The following ISY1 variants were observed in gnomAD, a reference collection of about 807,000 sequenced individuals.
ISY1 encodes pre-mRNA-splicing factor ISY1 homolog.
In ISY1, 12 loss-of-function variants were observed where a neutral mutation model predicts 54.4. The ratio of observed to expected loss-of-function variants is 0.22; its 90% CI spans 0.14 to 0.36. ISY1 has a LOEUF of 0.36. ISY1 is among the 10% of genes least tolerant of loss of function. The probability of loss-of-function intolerance (pLI) is 1.00; values close to 1 mark genes in which losing one functional copy is unlikely to be tolerated. For missense variants in ISY1, 282 were observed against 342.2 expected, an observed-to-expected ratio of 0.82 and a Z score of 1.39; for synonymous variants, 96 against 117.9, an observed-to-expected ratio of 0.81 and a Z score of 1.20.
At chr3:129,144,167 G>T in intron 6 of ISY1, 1 of 440,926 alleles carries the variant, frequency 2.3e-6, no homozygotes, top group South Asian at 1.6e-5. Flanking sequence ...ATCAGGCAAG[G>T]GCTCACTCTG....
intron 7 of ISY1, among the ~76,000 whole-genome samples, chr3:129,137,772 C>T (rs993003350): frequency 4.0e-5 from 6 of 150,088 alleles, no homozygotes; most frequent in African/African-American, 1.5e-4. Flanking sequence ...CTTTGCCGGG[C>T]GTGGTGGCGG....
chr3:129,137,914 CAAAA>C (rs1175621872), intron 7 of ISY1, among the ~76,000 whole-genome samples: 3 of 38,138 alleles, frequency 7.9e-5, no homozygotes, highest in Non-Finnish European at 1.6e-4. Context: ...GACTCCATGT[CAAAA>C]AAAAAAAAAA....
intron 9 of ISY1, among the ~76,000 whole-genome samples, chr3:129,132,280 G>A (rs988541463): frequency 2.0e-5 from 3 of 152,148 alleles, no homozygotes; most frequent in African/African-American, 7.2e-5. Context: ...GGGGGGAACT[G>A]GGTGAAGCAT....
At chr3:129,130,715 C>A in intron 9 of ISY1, 79 bp from the exon 10 acceptor site, 1 of 1,456,730 alleles carries the variant, frequency 6.9e-7, no homozygotes, top group South Asian at 1.3e-5. Context: ...ACACACTACT[C>A]TGCAACTATT....
At chr3:129,147,391 T>C (rs563827610) in intron 5 of ISY1, among the ~76,000 whole-genome samples, 26 of 151,442 alleles carry the variant, frequency 1.7e-4, no homozygotes, top group Non-Finnish European at 3.2e-4. Context: ...AATAAAAAAA[T>C]AAAAAAAATA....
Position 129,145,793 on chromosome 3 carries a change from G to T in ISY1, c.268C>A (p.Arg90=). ...TCAGGACCTCCCAGCTCCTTTATCC[G>T]GACCTCCCAGTGTCCTTTCTCCCTT... ...LLREKGHWEV[R]IKELGGPDYG... is the part of the protein sequence containing the mutation. The change falls in exon 6 of 11, where the codon CGG becomes AGG. Residue 90 remains arginine (R), a synonymous_variant. Transcript: ENST00000393295. 1 of 1,614,102 alleles carries T rather than the reference G, an allele frequency of 6.2e-7. No homozygotes were observed.
chr3:129,130,096 C>A lies in ISY1; in HGVS notation c.843G>T (p.Arg281Ser), dbSNP rs1936195413. The part of the protein sequence containing the change: ...TLQAQSEEAR[R>S]LLGY ...CAGCTGGGTCCTAATACCCCAGGAG[C>A]CTTCTGGCTTCTTCACTTTGGGCCT... The change falls in exon 11 of 11, where the codon AGG becomes AGT. Residue 281 changes from arginine to serine, a missense_variant. Around this residue, in one of 2 missense-constraint regions of ISY1, gnomAD observed 279 missense variants for 323.6 expected, o/e 0.86. Coordinates refer to ENST00000393295, the MANE Select transcript of ISY1 (RefSeq NM_020701.4). The A allele has an allele frequency of 1.2e-6, 2 of 1,605,454 alleles. No individual in the cohort carries two copies. Among genetic ancestry groups the A allele is most frequent in the Non-Finnish European group, 1.7e-6 (2 of 1,176,944 alleles).
Position 129,161,022 on chromosome 3 carries a change from G to C in ISY1, c.-47C>G. On this transcript the variant is annotated 5_prime_UTR_variant, in exon 1 of 11. Coordinates refer to ENST00000393295, the MANE Select transcript of ISY1 (RefSeq NM_020701.4). ...CTGGAGCCCCGCGGCCCCTGTCCAA[G>C]AAACTCCACAGGCCCAGAAGACGCC... 6.7e-7 allele frequency: 1 copy of C among 1,495,660 alleles called. No homozygotes were observed. The highest frequency in any genetic ancestry group is 9.0e-7 in the Non-Finnish European group (1 of 1,111,712). The allele number at this position is 1,495,660 out of a possible 1,614,324, so 92.6% of individuals were successfully genotyped here.
chr3:129,159,179 G>A lies in ISY1; in HGVS notation c.4-3C>T. On this transcript the variant is annotated splice_polypyrimidine_tract_variant and splice_region_variant and intron_variant, in intron 1 of 10. Transcript: ENST00000393295. ...ATGGCCTTTTCTGCATTTCGGGCCT[G>A]GAAAGAGAGAAAAGAGAAGAAAAAT... 6.3e-7 allele frequency: 1 copy of A among 1,598,506 alleles called. No individual in the cohort carries two copies.
Position 129,134,886 on chromosome 3 carries a change from G to C in ISY1, c.487C>G (p.Leu163Val), listed in dbSNP as rs531595974. Residue 163 changes from leucine (L) to valine (V), a missense_variant, in exon 8 of 11, where the codon CTA (leucine) becomes GTA (valine). Physicochemically the swap from Leu to Val is conservative, Grantham distance 32 (BLOSUM62 1). Around this residue, in one of 2 missense-constraint regions of ISY1, gnomAD observed 279 missense variants for 323.6 expected, o/e 0.86. Transcript: ENST00000393295. ...ACAATAACACCATCATCTTCATCTA[G>C]GTAACCATAGTACTCAAAATCGATT... ...KAIDFEYYGYLDEDDGVIVPL... is the reference protein window; with the variant it reads ...KAIDFEYYGYVDEDDGVIVPL... The C allele has an allele frequency of 6.2e-7, 1 of 1,611,594 alleles. No homozygotes were observed. The highest frequency in any genetic ancestry group is 8.5e-7 in the Non-Finnish European group (1 of 1,178,350).
At chr3:129,142,227 C>T (rs1258762576) in intron 6 of ISY1, among the ~76,000 whole-genome samples, 2 of 146,448 alleles carry the variant, frequency 1.4e-5, no homozygotes, top group Non-Finnish European at 3.0e-5. Flanking sequence ...AAAAAAAAGA[C>T]GATTTGACAA....
intron 7 of ISY1, 118 bp downstream of exon 7, chr3:129,140,250 C>T: frequency 1.2e-6 from 1 of 852,490 alleles, no homozygotes; most frequent in South Asian, 1.9e-5. Context: ...AACAATAATT[C>T]CTACACTATA....
chr3:129,147,381 A>T (rs1936798678), intron 5 of ISY1, among the ~76,000 whole-genome samples: 1 of 152,128 alleles, frequency 6.6e-6, no homozygotes, highest in African/African-American at 2.4e-5. Flanking sequence ...TCTCACAAAA[A>T]ATAAAAAAAT....
rs557604897 is a variant in ISY1 at position 129,139,157 on chromosome 3, G to A, written c.418+1211C>T. Among the ~76,000 whole-genome samples, 12 of 151,906 alleles carry A rather than the reference G, an allele frequency of 7.9e-5. No homozygotes were observed. The South Asian group carries it at 8.3e-4, about 11-fold the overall frequency. On this transcript the variant is annotated intron_variant, in intron 7 of 10. Coordinates refer to ENST00000393295, the MANE Select transcript of ISY1 (RefSeq NM_020701.4). ...TCACCATGTTGGCCAGGCTGGTCTC[G>A]AACTCCTGACCTTGTGATTCTCCCG...
At position 129,160,826 on chromosome 3, in the gene ISY1, G is replaced by A. The variant is rs1259296395; in HGVS notation, c.3+147C>T. On this transcript the variant is annotated intron_variant, in intron 1 of 10. Transcript: ENST00000393295. ...AATTTGTGACAGCTAATGGAGGCAG[G>A]AAGAGAATCCCCTCGTTACACCAAG... 8 of 1,042,026 alleles carry A rather than the reference G, an allele frequency of 7.7e-6. No individual in the cohort carries two copies. The East Asian group carries it at 7.8e-5, about 10-fold the overall frequency. 64.5% of individuals were successfully genotyped at this position (1,042,026 alleles called of 1,614,324 possible).
chr3:129,130,178 G>A lies in ISY1; in HGVS notation c.761C>T (p.Ala254Val). ...PVPSQQEIEE[A>V]LVRRKKMELL... The stretch of plus-strand genomic sequence containing the variant: ...TTCCATTTTCTTCCTTCGCACCAGT[G>A]CCTCCTCAATCTGTGGAAATTAAGA... Residue 254 changes from alanine to valine, a missense_variant, in exon 11 of 11, where the codon GCA becomes GTA. Coordinates refer to ENST00000393295, the MANE Select transcript of ISY1 (RefSeq NM_020701.4). 1 of 1,608,786 alleles carries A rather than the reference G, an allele frequency of 6.2e-7. No individual in the cohort carries two copies. The highest frequency in any genetic ancestry group is 8.5e-7 in the Non-Finnish European group (1 of 1,178,056).
rs1313636192 is a variant in ISY1, at chr3:129,134,095, G to C, written c.642C>G (p.Ile214Met). 7 of 1,614,058 alleles carry C rather than the reference G, an allele frequency of 4.3e-6. No homozygotes were observed. The highest frequency in any genetic ancestry group is 2.2e-5 in the East Asian group (1 of 44,894). Residue 214 changes from isoleucine (I) to methionine (M), a missense_variant, in exon 9 of 11, where the codon ATC (isoleucine) becomes ATG (methionine). Ile to Met is a conservative substitution (Grantham distance 10). Transcript: ENST00000393295. Reference protein sequence around the residue: ...EEEEEEEEINIYAVTEEESDE... With the variant: ...EEEEEEEEINMYAVTEEESDE... The stretch of plus-strand genomic sequence containing the variant: ...ATACCTCCTCCTCGGTGACTGCATA[G>C]ATGTTGATCTCTTCCTCCTCTTCCT...
intron 6 of ISY1, among the ~76,000 whole-genome samples, chr3:129,141,191 A>T (rs967342312): frequency 2.0e-5 from 2 of 98,166 alleles, no homozygotes; most frequent in African/African-American, 7.1e-5. Context: ...GGCTGGAGTA[A>T]ATTAAATAAA....
At position 129,135,038 on chromosome 3, in the gene ISY1, C is replaced by T. The variant is rs533786753; in HGVS notation, c.419-84G>A. 25 of 1,467,770 alleles carry T rather than the reference C, an allele frequency of 1.7e-5. 1 individual carries two copies. The South Asian group carries it at 2.9e-4, about 17-fold the overall frequency. The allele number at this position is 1,467,770 out of a possible 1,614,324, so 90.9% of individuals were successfully genotyped here. A position where few individuals can be genotyped will look rare whatever the true frequency, so the allele number is the denominator to read the frequency against. On this transcript the variant is annotated intron_variant, in intron 7 of 10. Transcript: ENST00000393295. The stretch of plus-strand genomic sequence containing the variant: ...GTCTCCTGATGCAACGCTATACACA[C>T]ACGTGGCACGTATGTTCATGAAAAT...
Sources: allele counts gnomAD v4.1 joint callset (sites outside exome capture counted in the v4.1 genomes callset), GRCh38; gene constraint gnomAD v4.1.1; regional missense constraint gnomAD v4.1.1; transcripts MANE v1.5; gene names NCBI Gene and HGNC (gene_info 2026-07-23, HGNC 2026-07-21).